Variants in MTMR1 observed in about 807,000 individuals in gnomAD.
MTMR1 encodes the protein myotubularin related protein 1.
Under a neutral mutation model 51.6 loss-of-function variants are expected in MTMR1, and 17 were observed. That is an observed-to-expected ratio of 0.33 (90% CI 0.23 to 0.49). MTMR1 has a LOEUF of 0.49. MTMR1 is among the 20% of genes least tolerant of loss of function. MTMR1 has a pLI of 0.99. For synonymous variants in MTMR1, 201 were observed against 205.6 expected, an observed-to-expected ratio of 0.98 and a Z score of 0.19; for missense variants, 386 against 526.9, an observed-to-expected ratio of 0.73 and a Z score of 2.62.
At chrX:150,727,333 A>T in intron 5 of MTMR1, 24 bp downstream of exon 5, 1 of 1,122,276 alleles carries the variant, frequency 8.9e-7, no homozygotes, top group Non-Finnish European at 1.2e-6. Flanking sequence ...AGTGTGTTTT[A>T]TTTTAAAAGA....
chrX:150,702,915 G>A (rs997980475), intron 2 of MTMR1, among the ~76,000 whole-genome samples: 5 of 111,503 alleles, frequency 4.5e-5, no homozygotes, highest in Admixed American at 2.8e-4. Flanking sequence ...ATTTAATACC[G>A]AGTCATCCTG....
intron 13 of MTMR1, among the ~76,000 whole-genome samples, chrX:150,745,499 C>G (rs1408959088): frequency 5.4e-5 from 6 of 112,053 alleles, no homozygotes; most frequent in Non-Finnish European, 1.1e-4. Flanking sequence ...CATCTGCCTC[C>G]CTACTGCAGA....
chrX:150,710,770 C>T (rs1172661583), intron 2 of MTMR1, among the ~76,000 whole-genome samples: 1 of 112,557 alleles, frequency 8.9e-6, no homozygotes, highest in African/African-American at 3.2e-5. Flanking sequence ...GATGCAGCAG[C>T]TGCTGAAGGA....
intron 12 of MTMR1, among the ~76,000 whole-genome samples, chrX:150,737,807 C>T (rs1337627776): frequency 5.4e-5 from 6 of 111,939 alleles, no homozygotes; most frequent in Non-Finnish European, 1.1e-4. Context: ...TGGCTCAGGC[C>T]TGTAATCCCA....
chrX:150,737,533 T>C, intron 12 of MTMR1, 85 bp downstream of exon 12: 1 of 778,701 alleles, frequency 1.3e-6, no homozygotes, highest in Non-Finnish European at 1.9e-6. Flanking sequence ...CGTAAGCGCA[T>C]ATATACACAC....
intron 13 of MTMR1, among the ~76,000 whole-genome samples, chrX:150,746,767 A>C (rs781877377): frequency 4.4e-4 from 49 of 112,491 alleles, no homozygotes; most frequent in African/African-American, 1.5e-3. Context: ...AAGATTTCAG[A>C]TGCTTCTCAC....
At chrX:150,714,459 A>T in intron 3 of MTMR1, 1 of 972,428 alleles carries the variant, frequency 1.0e-6, no homozygotes, top group Admixed American at 3.1e-5. Flanking sequence ...TTTCTTGTCC[A>T]TGCACCTGGT....
chrX:150,712,762 G>A, intron 3 of MTMR1: 1 of 195,974 alleles, frequency 5.1e-6, no homozygotes, highest in Non-Finnish European at 9.7e-6. Flanking sequence ...AGGTTAGTTG[G>A]CTGTCCTATC....
chrX:150,761,110 G>C (rs2043112549), intron 15 of MTMR1, among the ~76,000 whole-genome samples: 2 of 110,612 alleles, frequency 1.8e-5, no homozygotes, highest in Non-Finnish European at 3.8e-5. Context: ...ATGGATAATG[G>C]GAACTTGATT....
chrX:150,705,937 G>C (rs2041087077), intron 2 of MTMR1, among the ~76,000 whole-genome samples: 1 of 112,413 alleles, frequency 8.9e-6, no homozygotes, highest in Non-Finnish European at 1.9e-5. Flanking sequence ...ATTGACATTA[G>C]TATTGTAACA....
intron 13 of MTMR1, among the ~76,000 whole-genome samples, chrX:150,744,774 G>T (rs2042530909): frequency 8.9e-6 from 1 of 111,937 alleles, no homozygotes; most frequent in Non-Finnish European, 1.9e-5. Flanking sequence ...CTGCTGAGCA[G>T]TTCATCTAAG....
At chrX:150,707,798 A>C (rs1389070608) in intron 2 of MTMR1, among the ~76,000 whole-genome samples, 1 of 112,441 alleles carries the variant, frequency 8.9e-6, no homozygotes, top group Admixed American at 9.4e-5. Flanking sequence ...TTTATTCATA[A>C]TCACCGAAAA....
At chrX:150,725,762 A>G (rs1557416737) in intron 4 of MTMR1, among the ~76,000 whole-genome samples, 1 of 111,466 alleles carries the variant, frequency 9.0e-6, no homozygotes, top group African/African-American at 3.3e-5. Flanking sequence ...TTTAAGGATA[A>G]TGATAATAAT....
chrX:150,699,564 A>G (rs2040835400), intron 2 of MTMR1, among the ~76,000 whole-genome samples: 1 of 112,633 alleles, frequency 8.9e-6, no homozygotes, highest in African/African-American at 3.2e-5. Flanking sequence ...GTTCCATTTT[A>G]TAATAATAAA....
intron 3 of MTMR1, chrX:150,714,600 T>G: frequency 1.2e-6 from 1 of 801,095 alleles, no homozygotes; most frequent in Non-Finnish European, 1.7e-6. Flanking sequence ...CATTCTAGAC[T>G]TCTAGATAAT....
chrX:150,721,689 AT>A (rs2041754447), intron 4 of MTMR1, among the ~76,000 whole-genome samples: 1 of 110,926 alleles, frequency 9.0e-6, no homozygotes, highest in Non-Finnish European at 1.9e-5. Flanking sequence ...CTAGAGGTTT[AT>A]TGATTTTATT....
chrX:150,737,245 C>T lies in MTMR1; in HGVS notation c.1270C>T (p.Leu424=), dbSNP rs2042301162. The change falls in exon 12 of 16, where the codon CTG becomes TTG. Residue 424 remains leucine, a synonymous_variant. Transcript: ENST00000445323. ...GTHWLEYIRM[L]LAGAVRIADK... ...AATGTGCCTTTTTTTTCTGAAGATG[C>T]TGCTTGCTGGGGCAGTAAGAATTGC... 1.7e-6 allele frequency: 2 copies of T among 1,207,565 alleles called. No homozygotes were observed. Among genetic ancestry groups the T allele is most frequent in the South Asian group, 1.8e-5 (1 of 56,658 alleles).
chrX:150,704,850 A>G lies in MTMR1; in HGVS notation c.252+5550A>G, dbSNP rs183731949. On this transcript the variant is annotated intron_variant, in intron 2 of 15. Transcript: ENST00000445323. ...AGATTTTAATGAAAAATCACTTGTT[A>G]TACTAAGAATGAGGAAGATCTCAAA... is the stretch of plus-strand genomic sequence containing the variant. Among the ~76,000 whole-genome samples the G allele has an allele frequency of 4.9e-3, 556 of 112,346 alleles. 4 individuals are homozygous for G. The highest frequency in any genetic ancestry group is 0.017 in the African/African-American group (533 of 30,890).
At chrX:150,760,851 C>T (rs182296515) in intron 15 of MTMR1, among the ~76,000 whole-genome samples, 54 of 106,682 alleles carry the variant, frequency 5.1e-4, no homozygotes, top group Non-Finnish European at 8.7e-4. Context: ...CGCTTGAATT[C>T]GGGAGGCGGA....
Sources: gnomAD v4.1 joint callset for allele counts (sites outside exome capture counted in the v4.1 genomes callset) on GRCh38, gnomAD v4.1.1 for gene constraint, MANE v1.5 for transcripts, NCBI Gene and HGNC (gene_info 2026-07-23, HGNC 2026-07-21) for gene names.